ELP4: variants seen among roughly 807,000 people sequenced by gnomAD.
ELP4 encodes elongator complex protein 4.
Under a neutral mutation model 48.9 loss-of-function variants are expected in ELP4, and 51 were observed. The observed-to-expected ratio is 1.04, with a 90% confidence interval of 0.83 to 1.32. ELP4 has a LOEUF of 1.32. Ranked by LOEUF, ELP4 falls within the 40% of genes most tolerant of loss-of-function variation. The pLI, the probability that ELP4 is intolerant of heterozygous loss-of-function variation, is 0.00. For missense variants in ELP4, 519 were observed against 514.6 expected (o/e 1.01, Z -0.08); for synonymous variants, 210 against 189.2 (o/e 1.11, Z -0.90).
intron 9 of ELP4, among the ~76,000 whole-genome samples, chr11:31,778,101 C>T (rs1218664379): frequency 6.6e-6 from 1 of 152,176 alleles, no homozygotes; most frequent in African/African-American, 2.4e-5. Context: ...CATCTTCTGA[C>T]ATTTCCTTTA....
rs78760232 is a variant in ELP4 at position 31,771,170 on chromosome 11, G to C, written c.1144-12223G>C. On this transcript the variant is annotated intron_variant, in intron 9 of 9. Transcript: ENST00000640961. ...CTACCTGGAATCTTCTATTGGGCAG[G>C]CACGAGATTAAGAACCACCACTCCC... 1.5e-3 allele frequency among the ~76,000 whole-genome samples: 231 copies of C among 152,224 alleles called. 5 individuals are homozygous for C. The East Asian group carries it at 0.037, about 24-fold the overall frequency.
chr11:31,753,387 A>T (rs192704633), intron 9 of ELP4, among the ~76,000 whole-genome samples: 1 of 152,334 alleles, frequency 6.6e-6, no homozygotes, highest in East Asian at 1.9e-4. Context: ...CAGGGCCTTG[A>T]TATTGCTATT....
intron 9 of ELP4, chr11:31,707,005 AT>A (rs1176718667): frequency 5.0e-6 from 2 of 398,240 alleles, no homozygotes; most frequent in African/African-American, 2.1e-5. Context: ...GGTTGACTTC[AT>A]ATCTTAGCTA....
chr11:31,632,843 A>C (rs1944892376), intron 7 of ELP4: 1 of 152,094 alleles, frequency 6.6e-6, no homozygotes, highest in African/African-American at 2.4e-5. Flanking sequence ...ATGTATTTCC[A>C]TTTGAATTTT....
chr11:31,510,507 T>C (rs556574635), intron 1 of ELP4: 6 of 407,210 alleles, frequency 1.5e-5, no homozygotes, highest in Non-Finnish European at 2.6e-5. Flanking sequence ...TCTTAAAACA[T>C]TTTGGCTTTA....
At chr11:31,582,982 T>A (rs1362356360) in intron 3 of ELP4, among the ~76,000 whole-genome samples, 2 of 152,196 alleles carry the variant, frequency 1.3e-5, no homozygotes, top group African/African-American at 4.8e-5. Flanking sequence ...TTCAAAGTGA[T>A]GTCTCATCCC....
chr11:31,754,914 T>A (rs1233873396), intron 9 of ELP4, among the ~76,000 whole-genome samples: 2 of 152,118 alleles, frequency 1.3e-5, no homozygotes, highest in Non-Finnish European at 2.9e-5. Flanking sequence ...GACACCCCCA[T>A]AACAATGGCA....
At chr11:31,777,040 C>G (rs1263942397) in intron 9 of ELP4, among the ~76,000 whole-genome samples, 1 of 152,070 alleles carries the variant, frequency 6.6e-6, no homozygotes, top group Admixed American at 6.5e-5. Flanking sequence ...GCAGATGCAT[C>G]CTCCACATTG....
At chr11:31,667,462 T>C (rs2134100366) in intron 9 of ELP4, among the ~76,000 whole-genome samples, 1 of 152,330 alleles carries the variant, frequency 6.6e-6, no homozygotes, top group South Asian at 2.1e-4. Flanking sequence ...TTACTTAGTA[T>C]AATGAGTGAA....
At chr11:31,656,306 G>A (rs1945431673) in intron 9 of ELP4, among the ~76,000 whole-genome samples, 2 of 151,950 alleles carry the variant, frequency 1.3e-5, no homozygotes, top group Non-Finnish European at 2.9e-5. Context: ...TGTAAGTCCT[G>A]TTTGCTTCTG....
At chr11:31,587,767 C>T (rs1246000813) in intron 3 of ELP4, among the ~76,000 whole-genome samples, 1 of 151,754 alleles carries the variant, frequency 6.6e-6, no homozygotes, top group Non-Finnish European at 1.5e-5. Context: ...AATGATTGTC[C>T]GCAGGGGGTT....
chr11:31,774,959 T>A (rs1948215355), intron 9 of ELP4, among the ~76,000 whole-genome samples: 1 of 152,182 alleles, frequency 6.6e-6, no homozygotes. Context: ...ACCCATTCTG[T>A]CTTTTTGCTA....
At chr11:31,753,764 G>C (rs1231650513) in intron 9 of ELP4, among the ~76,000 whole-genome samples, 1 of 152,066 alleles carries the variant, frequency 6.6e-6, no homozygotes, top group Non-Finnish European at 1.5e-5. Flanking sequence ...GATTGCATTT[G>C]TATGAAATTT....
At chr11:31,748,786 T>C (rs1947654184) in intron 9 of ELP4, among the ~76,000 whole-genome samples, 1 of 151,792 alleles carries the variant, frequency 6.6e-6, no homozygotes, top group Non-Finnish European at 1.5e-5. Flanking sequence ...TGAGGATCAC[T>C]TGAGGCCAGG....
chr11:31,741,863 C>G (rs966670953), intron 9 of ELP4, among the ~76,000 whole-genome samples: 1 of 152,202 alleles, frequency 6.6e-6, no homozygotes, highest in African/African-American at 2.4e-5. Flanking sequence ...AGGAACGCAG[C>G]TCCTCACCAG....
intron 9 of ELP4, among the ~76,000 whole-genome samples, chr11:31,740,717 G>T (rs187033807): frequency 6.6e-6 from 1 of 152,328 alleles, no homozygotes; most frequent in East Asian, 1.9e-4. Context: ...CAGAATTTGA[G>T]GTTGATGATC....
chr11:31,669,633 CTT>C (rs901557231), intron 9 of ELP4, among the ~76,000 whole-genome samples: 5 of 152,252 alleles, frequency 3.3e-5, no homozygotes, highest in African/African-American at 1.2e-4. Flanking sequence ...CAGAAACTGT[CTT>C]TTTCTTCCTC....
chr11:31,669,213 C>T (rs765508089), intron 9 of ELP4, among the ~76,000 whole-genome samples: 143 of 152,118 alleles, frequency 9.4e-4, no homozygotes, highest in Middle Eastern at 6.8e-3. Flanking sequence ...ATTCTCCTGC[C>T]TCAGCCTCCC....
intron 7 of ELP4, among the ~76,000 whole-genome samples, chr11:31,636,335 A>G (rs937711131): frequency 1.3e-5 from 2 of 152,002 alleles, no homozygotes; most frequent in South Asian, 2.1e-4. Flanking sequence ...ATAGTTGGGT[A>G]TGTATAGATA....
Sources: allele counts gnomAD v4.1 joint callset (sites outside exome capture counted in the v4.1 genomes callset), GRCh38; gene constraint gnomAD v4.1.1; transcripts MANE v1.5; gene names NCBI Gene and HGNC (gene_info 2026-07-23, HGNC 2026-07-21).